Variants in ADCY2 observed in about 807,000 individuals in gnomAD.
ADCY2 encodes the protein adenylate cyclase 2.
Under a neutral mutation model 125.2 loss-of-function variants are expected in ADCY2, and 31 were observed. The observed-to-expected ratio is 0.25, with a 90% confidence interval of 0.19 to 0.33. The LOEUF (loss-of-function observed/expected upper bound fraction) is 0.33. Among genes scored for constraint, ADCY2 ranks in the 10% least tolerant of loss-of-function variants. The probability of loss-of-function intolerance (pLI) is 1.00; values close to 1 mark genes in which losing one functional copy is unlikely to be tolerated. For synonymous variants in ADCY2, 512 were observed against 548.4 expected (o/e 0.93, Z 0.93); for missense variants, 904 against 1,418.2 (o/e 0.64, Z 5.82).
In ADCY2 at chr5:7,819,581, A is replaced by C. The variant is rs140212039; in HGVS notation, c.2999-984A>C. ...ATAAAGTCTATACCCTCAACCCCAT[A>C]TATCAGCCTTGTTAGATTTCTAAGG... On this transcript the variant is annotated intron_variant, in intron 23 of 24. Transcript: ENST00000338316. 6.6e-3 allele frequency among the ~76,000 whole-genome samples: 1,007 copies of C among 152,256 alleles called. 16 individuals carry two copies. The highest frequency in any genetic ancestry group is 0.023 in the African/African-American group (967 of 41,542).
intron 2 of ADCY2, among the ~76,000 whole-genome samples, chr5:7,451,632 TGAAG>T (rs1741472908): frequency 1.3e-5 from 2 of 152,234 alleles, no homozygotes; most frequent in Non-Finnish European, 2.9e-5. Flanking sequence ...ACTGCAAGTT[TGAAG>T]GAAGTTCTAG....
At position 7,827,699 on chromosome 5, in the gene ADCY2, G is replaced by T. The variant is rs1745533231; in HGVS notation, c.*828G>T. ...TTCAGATTAGGACACAGTGTGTGAC[G>T]CAGATAACTGGTTACTCAGCTCCCT... On this transcript the variant is annotated 3_prime_UTR_variant, in exon 25 of 25. Coordinates refer to ENST00000338316, the MANE Select transcript of ADCY2 (RefSeq NM_020546.3). The T allele has an allele frequency of 6.6e-6, 1 of 152,334 alleles. No individual in the cohort carries two copies. Among genetic ancestry groups the T allele is most frequent in the East Asian group, 1.9e-4 (1 of 5,330 alleles). The allele number at this position is 152,334 out of a possible 1,614,324, so 9.4% of individuals were successfully genotyped here. A position where few individuals can be genotyped will look rare whatever the true frequency, so the allele number is the denominator to read the frequency against.
intron 14 of ADCY2, among the ~76,000 whole-genome samples, chr5:7,740,927 T>A (rs1742386509): frequency 6.6e-6 from 1 of 152,006 alleles, no homozygotes; most frequent in South Asian, 2.1e-4. Flanking sequence ...AAGAAATAAA[T>A]TTTTTAAAGT....
intron 2 of ADCY2, among the ~76,000 whole-genome samples, chr5:7,510,151 G>T (rs1744001294): frequency 6.6e-6 from 1 of 152,172 alleles, no homozygotes; most frequent in Admixed American, 6.5e-5. Flanking sequence ...AAGGAAATAT[G>T]TATTTTTTCA....
At chr5:7,636,498 G>A (rs1292713301) in intron 4 of ADCY2, among the ~76,000 whole-genome samples, 2 of 152,200 alleles carry the variant, frequency 1.3e-5, no homozygotes, top group Non-Finnish European at 2.9e-5. Flanking sequence ...CAGGGAGGTG[G>A]TTACCAGAAG....
At chr5:7,603,207 C>T (rs565540269) in intron 3 of ADCY2, among the ~76,000 whole-genome samples, 75 of 152,328 alleles carry the variant, frequency 4.9e-4, no homozygotes, top group African/African-American at 1.7e-3. Flanking sequence ...ATCACCCTTT[C>T]CAGTCACAGG....
At chr5:7,784,177 A>G (rs1468352396) in intron 18 of ADCY2, among the ~76,000 whole-genome samples, 188 bp from the exon 19 acceptor site, 2 of 152,204 alleles carry the variant, frequency 1.3e-5, no homozygotes, top group Non-Finnish European at 2.9e-5. Context: ...CTGTGCTCTC[A>G]GAATAGGGAT....
intron 2 of ADCY2, among the ~76,000 whole-genome samples, chr5:7,452,863 A>AT (rs1445010672): frequency 2.6e-5 from 4 of 151,934 alleles, no homozygotes; most frequent in Admixed American, 1.3e-4. Flanking sequence ...GATGTTGAAC[A>AT]TTTTTTTCAT....
chr5:7,694,433 A>G (rs1561171228), intron 5 of ADCY2, among the ~76,000 whole-genome samples: 1 of 151,732 alleles, frequency 6.6e-6, no homozygotes, highest in Non-Finnish European at 1.5e-5. Context: ...TTAAACAACA[A>G]CTCCACAACT....
intron 2 of ADCY2, among the ~76,000 whole-genome samples, chr5:7,499,397 C>G (rs1047132146): frequency 1.3e-5 from 2 of 151,916 alleles, no homozygotes; most frequent in African/African-American, 4.8e-5. Context: ...TAGGTCTTGA[C>G]TATACAACTG....
chr5:7,752,802 A>G (rs1742866594), intron 15 of ADCY2, among the ~76,000 whole-genome samples: 1 of 151,486 alleles, frequency 6.6e-6, no homozygotes, highest in South Asian at 2.1e-4. Context: ...ATCTGCATGT[A>G]CTGGATTAAG....
chr5:7,706,628 T>C (rs1741275540), intron 7 of ADCY2, 116 bp from the exon 8 acceptor site: 3 of 1,224,832 alleles, frequency 2.4e-6, no homozygotes, highest in Admixed American at 1.9e-5. Context: ...GGAAGGTTTA[T>C]GGTCATTTCC....
At chr5:7,613,535 C>G (rs1472492793) in intron 3 of ADCY2, among the ~76,000 whole-genome samples, 1 of 152,224 alleles carries the variant, frequency 6.6e-6, no homozygotes, top group African/African-American at 2.4e-5. Flanking sequence ...CAACTGACTA[C>G]AAATTCCAAT....
At chr5:7,765,342 G>A (rs1026016058) in intron 16 of ADCY2, among the ~76,000 whole-genome samples, 1 of 152,046 alleles carries the variant, frequency 6.6e-6, no homozygotes, top group Non-Finnish European at 1.5e-5. Context: ...GTACCCTTTT[G>A]GAGCCTGATG....
chr5:7,471,725 G>A (rs983556392), intron 2 of ADCY2, among the ~76,000 whole-genome samples: 1 of 150,648 alleles, frequency 6.6e-6, no homozygotes, highest in African/African-American at 2.4e-5. Context: ...AGCTCTGCTG[G>A]TGATAAGTTC....
intron 3 of ADCY2, among the ~76,000 whole-genome samples, chr5:7,537,156 A>C (rs1050876404): frequency 1.3e-5 from 2 of 152,212 alleles, no homozygotes; most frequent in African/African-American, 4.8e-5. Context: ...TTTTGGACCA[A>C]TTTAAAATTC....
At chr5:7,677,045 G>A (rs1399866754) in intron 4 of ADCY2, among the ~76,000 whole-genome samples, 1 of 152,092 alleles carries the variant, frequency 6.6e-6, no homozygotes, top group Non-Finnish European at 1.5e-5. Context: ...GGGAGGCCGA[G>A]GCAGGCGGAT....
intron 7 of ADCY2, among the ~76,000 whole-genome samples, chr5:7,700,965 G>A (rs1741058355): frequency 6.6e-6 from 1 of 151,882 alleles, no homozygotes; most frequent in Admixed American, 6.6e-5. Context: ...CTTCCCATAA[G>A]TAAATCATAT....
intron 3 of ADCY2, among the ~76,000 whole-genome samples, chr5:7,524,395 A>G (rs953995588): frequency 2.6e-5 from 4 of 152,142 alleles, no homozygotes; most frequent in Admixed American, 6.5e-5. Flanking sequence ...ACTACAAGAC[A>G]CCTGCAAACA....
Sources: gnomAD v4.1 joint callset for allele counts (sites outside exome capture counted in the v4.1 genomes callset) on GRCh38, gnomAD v4.1.1 for gene constraint, MANE v1.5 for transcripts, NCBI Gene and HGNC (gene_info 2026-07-23, HGNC 2026-07-21) for gene names.